SLC39A11: variants seen among roughly 807,000 people sequenced by gnomAD.
The protein encoded by SLC39A11 is solute carrier family 39 member 11, also known as zinc transporter ZIP11.
Under a neutral mutation model 36.1 loss-of-function variants are expected in SLC39A11, and 33 were observed. The observed-to-expected ratio is 0.91, with a 90% confidence interval of 0.69 to 1.22. SLC39A11 has a LOEUF of 1.22. Among genes scored for constraint, SLC39A11 ranks in the 50% most tolerant of loss-of-function variants. The pLI, the probability that SLC39A11 is intolerant of heterozygous loss-of-function variation, is 0.00. For missense variants in SLC39A11, 432 were observed against 430.3 expected, an observed-to-expected ratio of 1.00 and a Z score of -0.03; for synonymous variants, 166 against 170.3, an observed-to-expected ratio of 0.97 and a Z score of 0.20.
intron 7 of SLC39A11, among the ~76,000 whole-genome samples, chr17:72,695,421 A>AC (rs1392948464): frequency 6.6e-6 from 1 of 152,052 alleles, no homozygotes. Flanking sequence ...AGGGCGCTGC[A>AC]CCCCCTGGGT....
At chr17:72,888,858 T>C (rs1371227819) in intron 5 of SLC39A11, among the ~76,000 whole-genome samples, 1 of 152,006 alleles carries the variant, frequency 6.6e-6, no homozygotes, top group Non-Finnish European at 1.5e-5. Flanking sequence ...GCTATGATTG[T>C]GGCCCTACAC....
chr17:72,854,223 T>C (rs2079519917), intron 5 of SLC39A11, among the ~76,000 whole-genome samples: 1 of 151,792 alleles, frequency 6.6e-6, no homozygotes, highest in South Asian at 2.1e-4. Context: ...ACACAGCCAG[T>C]CTGCAGTGGA....
intron 7 of SLC39A11, among the ~76,000 whole-genome samples, chr17:72,655,674 T>A (rs1031680683): frequency 1.3e-5 from 2 of 152,144 alleles, no homozygotes; most frequent in Non-Finnish European, 2.9e-5. Context: ...ACTGAATGCA[T>A]CAGGAGCCTG....
At chr17:72,974,570 C>T (rs944785290) in intron 4 of SLC39A11, among the ~76,000 whole-genome samples, 2 of 152,042 alleles carry the variant, frequency 1.3e-5, no homozygotes, top group African/African-American at 4.8e-5. Flanking sequence ...AGTGTTATTA[C>T]AAAAGAGTCA....
chr17:72,931,354 G>C (rs1429155587), intron 5 of SLC39A11, among the ~76,000 whole-genome samples: 1 of 152,166 alleles, frequency 6.6e-6, no homozygotes, highest in Non-Finnish European at 1.5e-5. Flanking sequence ...TGCAGAAAGC[G>C]TAGGCTGTGT....
At chr17:72,923,000 A>T (rs1397733317) in intron 5 of SLC39A11, among the ~76,000 whole-genome samples, 3 of 149,778 alleles carry the variant, frequency 2.0e-5, no homozygotes, top group Non-Finnish European at 3.0e-5. Context: ...ACACACAGAA[A>T]ATACGAAACC....
chr17:72,924,805 C>T (rs2083934402), intron 5 of SLC39A11, among the ~76,000 whole-genome samples: 1 of 152,022 alleles, frequency 6.6e-6, no homozygotes, highest in Admixed American at 6.6e-5. Flanking sequence ...AGTTCGAGAC[C>T]AGCCTGGCCA....
At chr17:72,692,384 C>T (rs1293048948) in intron 7 of SLC39A11, among the ~76,000 whole-genome samples, 1 of 152,124 alleles carries the variant, frequency 6.6e-6, no homozygotes, top group Non-Finnish European at 1.5e-5. Flanking sequence ...TTTCATGCTG[C>T]TAATAAAGAC....
intron 6 of SLC39A11, among the ~76,000 whole-genome samples, chr17:72,774,800 A>G (rs1354259687): frequency 6.6e-6 from 1 of 152,112 alleles, no homozygotes; most frequent in African/African-American, 2.4e-5. Context: ...AGCTACATAC[A>G]TTTGCCATTT....
intron 3 of SLC39A11, among the ~76,000 whole-genome samples, chr17:73,051,707 A>T (rs1468842024): frequency 1.4e-5 from 2 of 148,118 alleles, no homozygotes; most frequent in East Asian, 4.0e-4. Flanking sequence ...AAAATACAAA[A>T]ATTAGCCAGG....
At chr17:72,974,591 A>C (rs2087711117) in intron 4 of SLC39A11, among the ~76,000 whole-genome samples, 1 of 152,254 alleles carries the variant, frequency 6.6e-6, no homozygotes. Context: ...AAACGTTTTT[A>C]CAAGCTGATA....
At chr17:72,935,021 C>A (rs973803196) in intron 5 of SLC39A11, among the ~76,000 whole-genome samples, 2 of 152,078 alleles carry the variant, frequency 1.3e-5, no homozygotes, top group Non-Finnish European at 2.9e-5. Context: ...GGGTATTTAG[C>A]CAGGAGAAAT....
chr17:72,745,145 C>G (rs911557332), intron 6 of SLC39A11, among the ~76,000 whole-genome samples: 61 of 152,198 alleles, frequency 4.0e-4, no homozygotes, highest in African/African-American at 1.3e-3. Context: ...CCTGGCCTCA[C>G]ATTTTTGAGA....
chr17:73,054,266 G>A (rs2059598107), intron 3 of SLC39A11, among the ~76,000 whole-genome samples: 1 of 151,950 alleles, frequency 6.6e-6, no homozygotes, highest in Non-Finnish European at 1.5e-5. Context: ...GGAGGCTGAG[G>A]CAGGAGAATC....
chr17:72,692,469 T>C (rs565586344), intron 7 of SLC39A11, among the ~76,000 whole-genome samples: 7 of 152,126 alleles, frequency 4.6e-5, no homozygotes, highest in African/African-American at 7.2e-5. Context: ...CTCAGAATCA[T>C]GGCGGAAGGC....
intron 6 of SLC39A11, among the ~76,000 whole-genome samples, chr17:72,773,481 T>C (rs2076020617): frequency 6.6e-6 from 1 of 152,152 alleles, no homozygotes; most frequent in Non-Finnish European, 1.5e-5. Context: ...CTCCTTACTG[T>C]CACCCTGTAA....
At chr17:73,015,237 C>T (rs961365584) in intron 4 of SLC39A11, among the ~76,000 whole-genome samples, 2 of 152,118 alleles carry the variant, frequency 1.3e-5, no homozygotes, top group African/African-American at 4.8e-5. Context: ...CTCAAACATG[C>T]CTTCCTTTCC....
At position 72,775,265 on chromosome 17, in the gene SLC39A11, T is replaced by A. The variant is rs112735913; in HGVS notation, c.602-38546A>T. Among the ~76,000 whole-genome samples, 639 of 152,240 alleles carry A rather than the reference T, an allele frequency of 4.2e-3. 5 individuals are homozygous for A. The highest frequency in any genetic ancestry group is 0.014 in the African/African-American group (600 of 41,530). ...CAGCCCAGTTTCCAGGCTGCTGAGG[T>A]GCCCCACTGGCCACTGTCCTGGGGT... On this transcript the variant is annotated intron_variant, in intron 6 of 9. Coordinates refer to ENST00000255559, the MANE Select transcript of SLC39A11 (RefSeq NM_139177.4).
At chr17:72,730,713 A>G (rs1484928723) in intron 7 of SLC39A11, among the ~76,000 whole-genome samples, 1 of 152,182 alleles carries the variant, frequency 6.6e-6, no homozygotes, top group Non-Finnish European at 1.5e-5. Context: ...AGGCTGCAGC[A>G]CAGTGGTGCA....
Sources: gnomAD v4.1 joint callset for allele counts (sites outside exome capture counted in the v4.1 genomes callset) on GRCh38, gnomAD v4.1.1 for gene constraint, MANE v1.5 for transcripts, NCBI Gene and HGNC (gene_info 2026-07-23, HGNC 2026-07-21) for gene names.